Variants in LDB2 observed in about 807,000 individuals in gnomAD.
LDB2 encodes LIM domain binding 2, also known as LIM domain-binding protein 2.
Under a neutral mutation model 44.3 loss-of-function variants are expected in LDB2, and 12 were observed. The observed-to-expected ratio is 0.27, with a 90% CI of 0.17 to 0.44. The LOEUF is 0.44. LDB2 is among the 20% of genes least tolerant of loss of function. LDB2 has a pLI of 1.00. For synonymous variants in LDB2, 164 were observed against 174.8 expected, an observed-to-expected ratio of 0.94 and a Z score of 0.49; for missense variants, 344 against 473.5, an observed-to-expected ratio of 0.73 and a Z score of 2.54.
intron 5 of LDB2, among the ~76,000 whole-genome samples, chr4:16,550,847 A>G (rs946871994): frequency 6.6e-6 from 1 of 152,252 alleles, no homozygotes; most frequent in African/African-American, 2.4e-5. Flanking sequence ...AAAATTGGAA[A>G]CTACCTGTAT....
chr4:16,826,154 T>C (rs1238629995), intron 1 of LDB2, among the ~76,000 whole-genome samples: 1 of 151,780 alleles, frequency 6.6e-6, no homozygotes, highest in Non-Finnish European at 1.5e-5. Flanking sequence ...TAGATATAGA[T>C]AGATACATAG....
At chr4:16,749,285 T>C (rs1025102667) in intron 2 of LDB2, among the ~76,000 whole-genome samples, 2 of 151,976 alleles carry the variant, frequency 1.3e-5, no homozygotes, top group Non-Finnish European at 2.9e-5. Context: ...GTTTAAAATA[T>C]GAGTCTCGGC....
At chr4:16,763,202 T>C (rs1768341405) in intron 1 of LDB2, among the ~76,000 whole-genome samples, 1 of 151,446 alleles carries the variant, frequency 6.6e-6, no homozygotes, top group African/African-American at 2.4e-5. Flanking sequence ...AGGCATATAA[T>C]AGGTAGATAA....
At chr4:16,771,960 G>A (rs1227027783) in intron 1 of LDB2, among the ~76,000 whole-genome samples, 4 of 152,146 alleles carry the variant, frequency 2.6e-5, no homozygotes, top group Non-Finnish European at 5.9e-5. Flanking sequence ...TCACTCTCCT[G>A]TGTGGATGGG....
At chr4:16,679,382 T>A (rs990205128) in intron 2 of LDB2, among the ~76,000 whole-genome samples, 20 of 152,194 alleles carry the variant, frequency 1.3e-4, no homozygotes, top group African/African-American at 4.6e-4. Flanking sequence ...AGTAAAATAA[T>A]AAATGACAAT....
In LDB2 at chr4:16,582,639, C is replaced by T. The variant is rs559708511; in HGVS notation, c.615+3283G>A. On this transcript the variant is annotated intron_variant, in intron 5 of 7. Transcript: ENST00000304523. The surrounding 1 kb of genome is among the most constrained non-coding windows in gnomAD (Gnocchi z 4.8). ...CCCAACAGCAACAAAATAATGACTT[C>T]CCCATCCTGCAGGTCCCTTCCCAGC... Among the ~76,000 whole-genome samples, 22 of 152,316 alleles carry T rather than the reference C, an allele frequency of 1.4e-4. No individual in the cohort carries two copies. The South Asian group carries it at 4.4e-3, about 30-fold the overall frequency.
At chr4:16,547,280 T>C (rs1247856293) in intron 5 of LDB2, among the ~76,000 whole-genome samples, 3 of 152,116 alleles carry the variant, frequency 2.0e-5, no homozygotes, top group African/African-American at 7.2e-5. Flanking sequence ...GTTAAGAGGA[T>C]TTCTTAGACC....
intron 2 of LDB2, among the ~76,000 whole-genome samples, chr4:16,631,404 G>A (rs962686677): frequency 1.1e-4 from 17 of 152,050 alleles, no homozygotes; most frequent in Admixed American, 5.9e-4. Context: ...AAGATACAAC[G>A]CACCGGAATC....
At chr4:16,827,324 G>A (rs1783240772) in intron 1 of LDB2, among the ~76,000 whole-genome samples, 1 of 152,174 alleles carries the variant, frequency 6.6e-6, no homozygotes, top group South Asian at 2.1e-4. Flanking sequence ...ATTTTAAAAA[G>A]GAGTGTAGAG....
intron 1 of LDB2, among the ~76,000 whole-genome samples, chr4:16,810,340 T>C (rs1779610114): frequency 6.6e-6 from 1 of 152,224 alleles, no homozygotes; most frequent in South Asian, 2.1e-4. Flanking sequence ...TCTCAAACTC[T>C]ACCTCATTCC....
chr4:16,791,857 T>C (rs1362405040), intron 1 of LDB2, among the ~76,000 whole-genome samples: 1 of 152,212 alleles, frequency 6.6e-6, no homozygotes, highest in Non-Finnish European at 1.5e-5. Context: ...ATAACTTCTG[T>C]ACATTCATTT....
Position 16,582,123 on chromosome 4 carries a change from C to T in LDB2, c.615+3799G>A, listed in dbSNP as rs1344752137. ...ATAGTAAGTGCCCCAGAAATGTTAG[C>T]TAGTGCTATGTTTCTCACTGCACCT... On this transcript the variant is annotated intron_variant, in intron 5 of 7. Transcript: ENST00000304523. This position sits in a 1 kb window ranked among gnomAD's most constrained non-coding sequence, Gnocchi z 4.8. 6.6e-6 allele frequency among the ~76,000 whole-genome samples: 1 copy of T among 152,148 alleles called. No homozygotes were observed. The highest frequency in any genetic ancestry group is 2.4e-5 in the African/African-American group (1 of 41,442).
chr4:16,719,948 T>C (rs1757894213), intron 2 of LDB2, among the ~76,000 whole-genome samples: 1 of 152,074 alleles, frequency 6.6e-6, no homozygotes, highest in Non-Finnish European at 1.5e-5. Context: ...ACCAACCAGA[T>C]ACAGATTCTA....
At chr4:16,662,963 T>C (rs1157079839) in intron 2 of LDB2, among the ~76,000 whole-genome samples, 15 of 152,144 alleles carry the variant, frequency 9.9e-5, no homozygotes, top group African/African-American at 3.6e-4. Flanking sequence ...AACAAATGAA[T>C]GAGAACACTC....
intron 5 of LDB2, chr4:16,581,359 T>C (rs1714362809): frequency 1.1e-6 from 1 of 949,580 alleles, no homozygotes; most frequent in Non-Finnish European, 1.3e-6. Flanking sequence ...CTCAGATACA[T>C]ACTGTTTAAC....
chr4:16,597,779 C>T (rs531443626), intron 2 of LDB2, among the ~76,000 whole-genome samples: 5 of 152,238 alleles, frequency 3.3e-5, no homozygotes, highest in African/African-American at 9.6e-5. Context: ...GTATCACCAT[C>T]GTTTTCATTC....
chr4:16,504,853 C>T (rs1718735279), intron 7 of LDB2, among the ~76,000 whole-genome samples: 1 of 152,136 alleles, frequency 6.6e-6, no homozygotes, highest in Non-Finnish European at 1.5e-5. Flanking sequence ...CAGAGCATGA[C>T]CTGAGGGTTA....
chr4:16,809,424 G>A (rs1176129044), intron 1 of LDB2, among the ~76,000 whole-genome samples: 1 of 152,188 alleles, frequency 6.6e-6, no homozygotes, highest in African/African-American at 2.4e-5. Context: ...GAATCTGCCG[G>A]TATGGTCTCG....
intron 1 of LDB2, among the ~76,000 whole-genome samples, chr4:16,806,380 A>G (rs2109802594): frequency 6.6e-6 from 1 of 152,292 alleles, no homozygotes; most frequent in South Asian, 2.1e-4. Flanking sequence ...TGTTCTCCAG[A>G]GATCCAGCTC....
Sources: allele counts gnomAD v4.1 joint callset (sites outside exome capture counted in the v4.1 genomes callset), GRCh38; gene constraint gnomAD v4.1.1; non-coding constraint Gnocchi (gnomAD v3.1); transcripts MANE v1.5; gene names NCBI Gene and HGNC (gene_info 2026-07-23, HGNC 2026-07-21).